Variants in CTDSPL2 observed in about 807,000 individuals in gnomAD.
CTDSPL2 encodes the protein CTD small phosphatase-like protein 2.
Under a neutral mutation model 60.0 loss-of-function variants are expected in CTDSPL2, and 5 were observed. The observed-to-expected ratio is 0.08, with a 90% CI of 0.04 to 0.18. The LOEUF is 0.18. Ranked by LOEUF, CTDSPL2 falls within the 10% of genes least tolerant of loss-of-function variation. CTDSPL2 has a pLI of 1.00. For missense variants in CTDSPL2, 370 were observed against 548.8 expected, an observed-to-expected ratio of 0.67 and a Z score of 3.26; for synonymous variants, 186 against 189.3, an observed-to-expected ratio of 0.98 and a Z score of 0.14.
At chr15:44,511,362 T>C (rs1432761072) in intron 8 of CTDSPL2, among the ~76,000 whole-genome samples, 2 of 152,330 alleles carry the variant, frequency 1.3e-5, no homozygotes, top group South Asian at 2.1e-4. Context: ...TTTGACCTAA[T>C]CTGGAAGTCA....
chr15:44,456,576 GA>G (rs1235813677), intron 1 of CTDSPL2, among the ~76,000 whole-genome samples: 1 of 152,150 alleles, frequency 6.6e-6, no homozygotes, highest in African/African-American at 2.4e-5. Context: ...TATTTCTGTG[GA>G]ATCAGTGATG....
intron 1 of CTDSPL2, among the ~76,000 whole-genome samples, chr15:44,441,929 CTTTAG>C (rs763888570): frequency 4.6e-5 from 7 of 152,106 alleles, no homozygotes; most frequent in Non-Finnish European, 5.9e-5. Flanking sequence ...GTTGCCTTTT[CTTTAG>C]TTTAGACCAA....
intron 2 of CTDSPL2, among the ~76,000 whole-genome samples, chr15:44,460,140 C>G (rs1465035526): frequency 1.3e-5 from 2 of 152,138 alleles, no homozygotes; most frequent in African/African-American, 2.4e-5. Context: ...GAAACAGAGT[C>G]TTGCTCTGTC....
intron 1 of CTDSPL2, among the ~76,000 whole-genome samples, chr15:44,435,804 G>T (rs2079969448): frequency 6.6e-6 from 1 of 151,632 alleles, no homozygotes; most frequent in African/African-American, 2.4e-5. Context: ...ACGGGGTTTC[G>T]CCATGTTGGC....
chr15:44,483,602 A>G (rs1031136981), intron 2 of CTDSPL2, among the ~76,000 whole-genome samples: 2 of 152,330 alleles, frequency 1.3e-5, no homozygotes, highest in East Asian at 3.9e-4. Flanking sequence ...AAATCATCCT[A>G]ATGGCTGAAA....
At chr15:44,508,733 C>T (rs79017998) in intron 8 of CTDSPL2, among the ~76,000 whole-genome samples, 2 of 151,924 alleles carry the variant, frequency 1.3e-5, no homozygotes, top group African/African-American at 2.4e-5. Context: ...CCAGCCTGGC[C>T]GAGATGGTGA....
intron 8 of CTDSPL2, among the ~76,000 whole-genome samples, chr15:44,507,522 G>A (rs1462760337): frequency 6.6e-6 from 1 of 152,216 alleles, no homozygotes; most frequent in African/African-American, 2.4e-5. Context: ...GAATTTTCAT[G>A]AAGCAAAAGA....
chr15:44,490,889 C>T lies in CTDSPL2; in HGVS notation c.581C>T (p.Ser194Leu). The T allele has an allele frequency of 6.2e-7, 1 of 1,613,938 alleles. No individual in the cohort carries two copies. Among genetic ancestry groups the T allele is most frequent in the Non-Finnish European group, 8.5e-7 (1 of 1,179,870 alleles). The change falls in exon 5 of 13, where the codon TCA (serine) becomes TTA (leucine). Residue 194 changes from serine (S) to leucine (L), a missense_variant. This residue lies in a region of CTDSPL2 where 287 missense variants were observed against 296.1 expected (regional missense o/e 0.97). Transcript: ENST00000260327. ...VDEITTSTTT[S>L]TNGAAYSNQA... is the part of the protein sequence containing the mutation. ...GAGATCACTACCAGTACTACTACAT[C>T]AACTAATGGAGCAGCTTACTCAAAT...
chr15:44,457,385 G>A (rs1326670499), intron 1 of CTDSPL2, among the ~76,000 whole-genome samples: 1 of 152,128 alleles, frequency 6.6e-6, no homozygotes, highest in Non-Finnish European at 1.5e-5. Context: ...TCTATATTAT[G>A]GAGACAGCTT....
intron 8 of CTDSPL2, among the ~76,000 whole-genome samples, chr15:44,511,309 T>G (rs1054959385): frequency 1.3e-5 from 2 of 152,238 alleles, no homozygotes; most frequent in Non-Finnish European, 2.9e-5. Flanking sequence ...CATGTTATAT[T>G]TAAGTATAGT....
rs1423936680 is a variant in CTDSPL2 at position 44,466,206 on chromosome 15, G to T, written c.186+7006G>T. ...CCCGCCTCAGCCTCCCAAAGTGCTG[G>T]GATTACAGGCGTGAGCCACCGCGCC... On this transcript the variant is annotated intron_variant, in intron 2 of 12. Transcript: ENST00000260327. Among the ~76,000 whole-genome samples, 4 of 152,124 alleles carry T rather than the reference G, an allele frequency of 2.6e-5. No homozygotes were observed. In the East Asian group the frequency reaches 7.7e-4, roughly 29 times the overall value.
At chr15:44,504,828 C>T (rs2081433726) in intron 8 of CTDSPL2, among the ~76,000 whole-genome samples, 1 of 152,114 alleles carries the variant, frequency 6.6e-6, no homozygotes, top group South Asian at 2.1e-4. Context: ...ATTTCAGGGT[C>T]ATAGTTGCAT....
At chr15:44,470,046 C>G (rs538926933) in intron 2 of CTDSPL2, among the ~76,000 whole-genome samples, 52 of 141,948 alleles carry the variant, frequency 3.7e-4, no homozygotes, top group African/African-American at 1.4e-3. Context: ...TGCAGTGAGC[C>G]GAGATCACGC....
rs138158414 is a variant in CTDSPL2, at chr15:44,506,274, C to T, written c.969+6461C>T. Among the ~76,000 whole-genome samples the T allele has an allele frequency of 1.9e-3, 291 of 151,976 alleles. 1 individual carries two copies. The highest frequency in any genetic ancestry group is 6.6e-3 in the African/African-American group (275 of 41,464). On this transcript the variant is annotated intron_variant, in intron 8 of 12. Transcript: ENST00000260327. ...TGAACTCCTCACCTCAAGTGATCTG[C>T]CCACCTCGGCCTCCCAAAATGCTGG...
intron 10 of CTDSPL2, 61 bp downstream of exon 10, chr15:44,514,905 C>G (rs1462569817): frequency 9.8e-7 from 1 of 1,021,562 alleles, no homozygotes; most frequent in African/African-American, 1.6e-5. Flanking sequence ...ATTACTGATT[C>G]TATTTCATTT....
rs371305927 is a variant in CTDSPL2, at chr15:44,484,263, C to T, written c.226C>T (p.Arg76Cys). ...TCCTTCAAAACGGAGTAGAATTGAA[C>T]GTGATATAGATAACAATTTGATCAC... Reference protein sequence around the residue: ...ENPSKRSRIERDIDNNLITST... With the variant: ...ENPSKRSRIECDIDNNLITST... The change falls in exon 3 of 13, where the codon CGT becomes TGT. Residue 76 changes from arginine (R) to cysteine (C), a missense_variant. By Grantham distance (180) the Arg-to-Cys change is radical. Coordinates refer to ENST00000260327, the MANE Select transcript of CTDSPL2 (RefSeq NM_016396.3). 69 of 1,610,910 alleles carry T rather than the reference C, an allele frequency of 4.3e-5. No individual in the cohort carries two copies. The highest frequency in any genetic ancestry group is 5.4e-5 in the Non-Finnish European group (64 of 1,178,146).
chr15:44,441,198 G>GT (rs1235758691), intron 1 of CTDSPL2, among the ~76,000 whole-genome samples: 5 of 152,092 alleles, frequency 3.3e-5, no homozygotes, highest in African/African-American at 1.2e-4. Context: ...GTCCAACACT[G>GT]TTTCCTTCCC....
chr15:44,458,290 A>G (rs189454016), intron 1 of CTDSPL2, among the ~76,000 whole-genome samples: 1 of 152,216 alleles, frequency 6.6e-6, no homozygotes, highest in Non-Finnish European at 1.5e-5. Context: ...ATTCTAATTC[A>G]GTTATGTCTT....
chr15:44,516,170 A>C (rs532320482), intron 10 of CTDSPL2, among the ~76,000 whole-genome samples: 1 of 151,634 alleles, frequency 6.6e-6, no homozygotes, highest in African/African-American at 2.4e-5. Context: ...GTTTCATCAT[A>C]TTGGCCAGGC....
Sources: allele counts gnomAD v4.1 joint callset (sites outside exome capture counted in the v4.1 genomes callset), GRCh38; gene constraint gnomAD v4.1.1; regional missense constraint gnomAD v4.1.1; transcripts MANE v1.5; gene names NCBI Gene and HGNC (gene_info 2026-07-23, HGNC 2026-07-21).